The following STAU2 variants were observed in gnomAD, a reference collection of about 807,000 sequenced individuals.
STAU2 encodes the protein staufen double-stranded RNA binding protein 2, also known as double-stranded RNA-binding protein Staufen homolog 2.
A neutral mutation model predicts 65.9 loss-of-function variants in STAU2; 20 were observed. That is an observed-to-expected ratio of 0.30 (90% confidence interval 0.21 to 0.44). STAU2 has a LOEUF of 0.44. STAU2 is among the 20% of genes least tolerant of loss of function. STAU2 has a pLI of 1.00. For synonymous variants in STAU2, 232 were observed against 233.9 expected (o/e 0.99, Z 0.07); for missense variants, 558 against 683.9 (o/e 0.82, Z 2.05).
chr8:73,514,927 A>G (rs2128925593), intron 13 of STAU2, among the ~76,000 whole-genome samples: 1 of 152,328 alleles, frequency 6.6e-6, no homozygotes, highest in Non-Finnish European at 1.5e-5. Context: ...AAAATAGAAG[A>G]TACTTCTTAG....
In STAU2 at chr8:73,721,434, C is replaced by G. The variant is rs188900126; in HGVS notation, c.-17-12272G>C. Among the ~76,000 whole-genome samples the G allele has an allele frequency of 3.3e-3, 505 of 151,644 alleles. 2 individuals carry two copies. Among genetic ancestry groups the G allele is most frequent in the African/African-American group, 0.011 (439 of 41,320 alleles). On this transcript the variant is annotated intron_variant, in intron 3 of 14. Coordinates refer to ENST00000524300, the MANE Select transcript of STAU2 (RefSeq NM_001164380.2). Reference sequence around the variant, plus strand: ...CTATAAATGCAATTAGGTCAAGTTGCTTAACAGTTACTCAAGTCTACTATA... The same window carrying G: ...CTATAAATGCAATTAGGTCAAGTTGGTTAACAGTTACTCAAGTCTACTATA...
At chr8:73,568,866 T>C (rs187907410) in intron 12 of STAU2, among the ~76,000 whole-genome samples, 42 of 152,268 alleles carry the variant, frequency 2.8e-4, no homozygotes, top group Admixed American at 2.3e-3. Context: ...GGTTCCAAGA[T>C]GGCCAGATAG....
chr8:73,716,326 G>A (rs570032230), intron 3 of STAU2, among the ~76,000 whole-genome samples: 90 of 152,248 alleles, frequency 5.9e-4, no homozygotes, highest in African/African-American at 2.2e-3. Flanking sequence ...CTGACCCCAG[G>A]TGATCCACCC....
intron 13 of STAU2, among the ~76,000 whole-genome samples, chr8:73,516,845 AT>A (rs1302126055): frequency 6.6e-6 from 1 of 152,170 alleles, no homozygotes; most frequent in Non-Finnish European, 1.5e-5. Context: ...TATTCCATTG[AT>A]CATCACTTTA....
chr8:73,666,149 T>A (rs1817223824), intron 6 of STAU2, among the ~76,000 whole-genome samples: 1 of 152,196 alleles, frequency 6.6e-6, no homozygotes, highest in Non-Finnish European at 1.5e-5. Flanking sequence ...TACTTTCCAA[T>A]ATGCTTTTTA....
chr8:73,476,408 A>G (rs1820329504), intron 13 of STAU2, among the ~76,000 whole-genome samples: 1 of 152,214 alleles, frequency 6.6e-6, no homozygotes, highest in Non-Finnish European at 1.5e-5. Context: ...ACCCATGTCC[A>G]TTCTGTTTCC....
Position 73,708,917 on chromosome 8 carries a change from G to C in STAU2, c.114+115C>G. ...AAATATTATTAATGTAGAACTAAAAGCCTTCAAGCCATCTGCTGAACCCCC... is the reference window on the plus strand; with the variant it reads ...AAATATTATTAATGTAGAACTAAAACCCTTCAAGCCATCTGCTGAACCCCC... On this transcript the variant is annotated intron_variant, in intron 4 of 14. Coordinates refer to ENST00000524300, the MANE Select transcript of STAU2 (RefSeq NM_001164380.2). 4.2e-6 allele frequency: 4 copies of C among 953,778 alleles called. No individual in the cohort carries two copies. In the South Asian group the frequency reaches 1.3e-4, roughly 31 times the overall value. The allele number at this position is 953,778 out of a possible 1,614,324, so 59.1% of individuals were successfully genotyped here.
rs1157701997 is a variant in STAU2 at position 73,518,040 on chromosome 8, AC to A, written c.1530+33971del. 2.6e-5 allele frequency among the ~76,000 whole-genome samples: 4 copies of A among 152,228 alleles called. 1 individual carries two copies. Among genetic ancestry groups the A allele is most frequent in the Admixed American group, 1.3e-4 (2 of 15,288 alleles). On this transcript the variant is annotated intron_variant, in intron 13 of 14. Transcript: ENST00000524300. ...TGGAAATAGCAGAATATTCTTTATTACTTAAAAAAAAAGTTCTGCTCAGAAG... is the reference window on the plus strand; with the variant it reads ...TGGAAATAGCAGAATATTCTTTATTATTAAAAAAAAAGTTCTGCTCAGAAG...
intron 6 of STAU2, among the ~76,000 whole-genome samples, chr8:73,628,819 G>A (rs780637107): frequency 1.3e-5 from 2 of 152,076 alleles, no homozygotes; most frequent in African/African-American, 2.4e-5. Context: ...GGATGATTAC[G>A]TTTGCACTAA....
chr8:73,720,724 G>C (rs1379863936), intron 3 of STAU2, among the ~76,000 whole-genome samples: 1 of 84,352 alleles, frequency 1.2e-5, no homozygotes, highest in Non-Finnish European at 2.3e-5. Flanking sequence ...TTGTTAACCA[G>C]GATGGTCTCG....
chr8:73,665,722 C>T (rs1255720639), intron 6 of STAU2, among the ~76,000 whole-genome samples: 5 of 152,142 alleles, frequency 3.3e-5, no homozygotes, highest in East Asian at 3.8e-4. Flanking sequence ...CAAATACAGT[C>T]ATCCCTAGGT....
At chr8:73,536,723 C>T (rs1347151831) in intron 13 of STAU2, among the ~76,000 whole-genome samples, 2 of 152,138 alleles carry the variant, frequency 1.3e-5, no homozygotes, top group African/African-American at 4.8e-5. Flanking sequence ...CCCCACCCAG[C>T]TGTAACAATA....
intron 13 of STAU2, among the ~76,000 whole-genome samples, chr8:73,546,510 T>C (rs1585978184): frequency 6.6e-6 from 1 of 152,344 alleles, no homozygotes; most frequent in East Asian, 1.9e-4. Context: ...ATGTAATGCC[T>C]ACTTCACTAT....
chr8:73,688,515 T>TAGGTATG, intron 5 of STAU2, 139 bp downstream of exon 5: 1 of 741,794 alleles, frequency 1.3e-6, no homozygotes, highest in Admixed American at 2.3e-5. Flanking sequence ...TGTGTGTGTG[T>TAGGTATG]GTGTGTGTGT....
At chr8:73,593,913 G>A (rs975655878) in intron 11 of STAU2, among the ~76,000 whole-genome samples, 3 of 151,450 alleles carry the variant, frequency 2.0e-5, no homozygotes, top group African/African-American at 7.3e-5. Context: ...ACACGTTGAT[G>A]GTTCTTTTTC....
chr8:73,739,792 T>G lies in STAU2; in HGVS notation c.-120A>C. On this transcript the variant is annotated 5_prime_UTR_variant, in exon 2 of 15. Coordinates refer to ENST00000524300, the MANE Select transcript of STAU2 (RefSeq NM_001164380.2). Reference sequence around the variant, plus strand: ...TGGTTCAAATTACTTTGTGTATCTTTGAGTTCTTCTTTTTCTGTCTTCTTT... The same window carrying G: ...TGGTTCAAATTACTTTGTGTATCTTGGAGTTCTTCTTTTTCTGTCTTCTTT... 6.5e-7 allele frequency: 1 copy of G among 1,526,818 alleles called. No individual in the cohort carries two copies. Among genetic ancestry groups the G allele is most frequent in the South Asian group, 1.2e-5 (1 of 82,248 alleles). 94.6% of individuals were successfully genotyped at this position (1,526,818 alleles called of 1,614,324 possible). A position where few individuals can be genotyped will look rare whatever the true frequency, so the allele number is the denominator to read the frequency against.
intron 13 of STAU2, among the ~76,000 whole-genome samples, chr8:73,480,927 T>C (rs1461854393): frequency 6.6e-6 from 1 of 152,178 alleles, no homozygotes; most frequent in African/African-American, 2.4e-5. Context: ...AAGTGTGCCA[T>C]ACTTGCTGCC....
chr8:73,450,452 G>A (rs1414566255), intron 13 of STAU2, among the ~76,000 whole-genome samples: 1 of 152,136 alleles, frequency 6.6e-6, no homozygotes. Context: ...GATGAGATGA[G>A]GTGGAGTCCA....
chr8:73,535,320 C>T (rs919698742), intron 13 of STAU2, among the ~76,000 whole-genome samples: 1 of 152,126 alleles, frequency 6.6e-6, no homozygotes, highest in Non-Finnish European at 1.5e-5. Context: ...CAGGCGCCCA[C>T]CACCACGCCT....
Sources: allele counts gnomAD v4.1 joint callset (sites outside exome capture counted in the v4.1 genomes callset), GRCh38; gene constraint gnomAD v4.1.1; transcripts MANE v1.5; gene names NCBI Gene and HGNC (gene_info 2026-07-23, HGNC 2026-07-21).